The following NSMCE2 variants were observed in gnomAD, a reference collection of about 807,000 sequenced individuals.
NSMCE2 encodes the protein NSE2 SUMO ligase component of SMC5/6 complex.
Under a neutral mutation model 23.8 loss-of-function variants are expected in NSMCE2, and 24 were observed. That is an observed-to-expected ratio of 1.01 (90% CI 0.73 to 1.42). NSMCE2 has a LOEUF of 1.42. NSMCE2 is among the 40% of genes most tolerant of loss of function. NSMCE2 has a pLI of 0.00. For synonymous variants in NSMCE2, 92 were observed against 94.1 expected (o/e 0.98, Z 0.13); for missense variants, 284 against 296.5 (o/e 0.96, Z 0.31).
intron 3 of NSMCE2, among the ~76,000 whole-genome samples, chr8:125,110,948 T>C (rs1469905089): frequency 6.6e-6 from 1 of 152,040 alleles, no homozygotes; most frequent in Non-Finnish European, 1.5e-5. Flanking sequence ...TCAGTTCTTG[T>C]AATGGCAGGA....
intron 7 of NSMCE2, among the ~76,000 whole-genome samples, chr8:125,363,601 AAGG>A (rs1376238241): frequency 8.9e-5 from 10 of 112,908 alleles, no homozygotes; most frequent in South Asian, 7.9e-4. Flanking sequence ...AGGAAGGAGA[AAGG>A]AGGAGGGGGA....
rs142641406 is a variant in NSMCE2 at position 125,101,333 on chromosome 8, C to T, written c.-110-718C>T. ...ATGCCAGAGATACTACACAGTTCCCCACTTAGGAAGGGCAGAAGGGAAGGC... is the reference window on the plus strand; with the variant it reads ...ATGCCAGAGATACTACACAGTTCCCTACTTAGGAAGGGCAGAAGGGAAGGC... On this transcript the variant is annotated intron_variant, in intron 1 of 7. Coordinates refer to ENST00000287437, the MANE Select transcript of NSMCE2 (RefSeq NM_173685.4). 3.9e-4 allele frequency among the ~76,000 whole-genome samples: 60 copies of T among 152,294 alleles called. 2 individuals carry two copies. In the East Asian group the frequency reaches 0.012, roughly 29 times the overall value.
At chr8:125,096,655 T>TTTTTA (rs1554600339) in intron 1 of NSMCE2, among the ~76,000 whole-genome samples, 1 of 142,826 alleles carries the variant, frequency 7.0e-6, no homozygotes, top group Non-Finnish European at 1.5e-5. Flanking sequence ...TTTTTTTTTT[T>TTTTTA]CATACGGAGT....
intron 3 of NSMCE2, among the ~76,000 whole-genome samples, chr8:125,126,262 C>G (rs1220254428): frequency 1.3e-5 from 2 of 151,442 alleles, no homozygotes; most frequent in Non-Finnish European, 2.9e-5. Context: ...TGGGTGCCTA[C>G]TAAGGAGGCC....
At chr8:125,360,344 A>G (rs1230984370) in intron 7 of NSMCE2, among the ~76,000 whole-genome samples, 1 of 152,204 alleles carries the variant, frequency 6.6e-6, no homozygotes, top group Non-Finnish European at 1.5e-5. Context: ...AACCCGCTCA[A>G]CTACCGTCAC....
intron 5 of NSMCE2, among the ~76,000 whole-genome samples, chr8:125,327,031 G>A (rs1341104793): frequency 2.0e-5 from 3 of 151,518 alleles, no homozygotes; most frequent in African/African-American, 7.3e-5. Flanking sequence ...GGGAGGCCGA[G>A]GCAGGTGGAT....
intron 3 of NSMCE2, among the ~76,000 whole-genome samples, chr8:125,113,192 T>A (rs1196130767): frequency 6.6e-6 from 1 of 152,164 alleles, no homozygotes; most frequent in African/African-American, 2.4e-5. Flanking sequence ...TTGTAGACTT[T>A]ATAGTTAAGT....
At chr8:125,172,534 G>C (rs148011228) in intron 4 of NSMCE2, among the ~76,000 whole-genome samples, 148 of 152,310 alleles carry the variant, frequency 9.7e-4, no homozygotes, top group African/African-American at 3.3e-3. Context: ...CTCCCCAAAA[G>C]GGGGAATGAT....
intron 5 of NSMCE2, among the ~76,000 whole-genome samples, chr8:125,207,428 GAAATTTTACTTTAATCAT>G (rs1274694813): frequency 1.3e-5 from 2 of 152,026 alleles, no homozygotes; most frequent in Non-Finnish European, 2.9e-5. Context: ...TTTTTATTTA[GAAATTTTACTTTAATCAT>G]AATTTGATTT....
At chr8:125,203,231 T>TTGTG (rs143782007) in intron 5 of NSMCE2, among the ~76,000 whole-genome samples, 134 of 151,006 alleles carry the variant, frequency 8.9e-4, no homozygotes, top group African/African-American at 3.1e-3. Flanking sequence ...ATCGTAAATG[T>TTGTG]TGTGTGTGTG....
chr8:125,346,456 C>T (rs563520051), intron 5 of NSMCE2, among the ~76,000 whole-genome samples: 69 of 152,260 alleles, frequency 4.5e-4, no homozygotes, highest in South Asian at 1.0e-3. Flanking sequence ...GTGCAAAGGG[C>T]GCTCCTTACC....
rs1334321463 is a variant in NSMCE2 at position 125,354,513 on chromosome 8, C to G, written c.419-2706C>G. ...GTACTATTGTTATTCTGTTTTGAAG[C>G]CAACCAATGGTTTTTAAGGTCTCAG... On this transcript the variant is annotated intron_variant, in intron 5 of 7. Transcript: ENST00000287437. Among the ~76,000 whole-genome samples the G allele has an allele frequency of 2.6e-5, 4 of 152,294 alleles. No individual in the cohort carries two copies. The East Asian group carries it at 5.8e-4, about 22-fold the overall frequency.
chr8:125,216,514 C>T (rs1824589848), intron 5 of NSMCE2, among the ~76,000 whole-genome samples: 1 of 151,804 alleles, frequency 6.6e-6, no homozygotes. Context: ...TGGCACATGC[C>T]TGTAATCCCA....
intron 5 of NSMCE2, among the ~76,000 whole-genome samples, chr8:125,306,905 G>A (rs1286742805): frequency 6.6e-6 from 1 of 152,230 alleles, no homozygotes; most frequent in Non-Finnish European, 1.5e-5. Flanking sequence ...TTAGCATTAT[G>A]TGAGGAATAA....
chr8:125,204,772 C>T (rs528034153), intron 5 of NSMCE2, among the ~76,000 whole-genome samples: 1 of 152,286 alleles, frequency 6.6e-6, no homozygotes, highest in African/African-American at 2.4e-5. Flanking sequence ...TCCTAAAAAT[C>T]CCTACCAGTC....
At chr8:125,349,126 C>T (rs1812921008) in intron 5 of NSMCE2, among the ~76,000 whole-genome samples, 2 of 151,634 alleles carry the variant, frequency 1.3e-5, no homozygotes, top group Non-Finnish European at 2.9e-5. Flanking sequence ...CACTTAAAGC[C>T]TAAGAAGTAT....
At chr8:125,340,937 GT>G (rs1830223016) in intron 5 of NSMCE2, among the ~76,000 whole-genome samples, 1 of 152,132 alleles carries the variant, frequency 6.6e-6, no homozygotes, top group African/African-American at 2.4e-5. Context: ...CCTCCTTGAT[GT>G]TCACCTTTCA....
intron 5 of NSMCE2, among the ~76,000 whole-genome samples, chr8:125,274,576 AT>A: frequency 6.6e-6 from 1 of 152,212 alleles, no homozygotes; most frequent in South Asian, 2.1e-4. Flanking sequence ...TTAGGTCATT[AT>A]TTTCTAGGTA....
chr8:125,103,527 TTGG>T (rs1818305224), intron 3 of NSMCE2, among the ~76,000 whole-genome samples: 1 of 152,168 alleles, frequency 6.6e-6, no homozygotes, highest in African/African-American at 2.4e-5. Context: ...TGAATCAAAT[TTGG>T]AAAAATTTCT....
Sources: gnomAD v4.1 joint callset for allele counts (sites outside exome capture counted in the v4.1 genomes callset) on GRCh38, gnomAD v4.1.1 for gene constraint, MANE v1.5 for transcripts, NCBI Gene and HGNC (gene_info 2026-07-23, HGNC 2026-07-21) for gene names.